PYGL: variants seen among roughly 807,000 people sequenced by gnomAD.
The protein encoded by PYGL is glycogen phosphorylase, liver form.
PYGL carries 90 observed loss-of-function variants against 100.1 expected under a neutral mutation model. That is an observed-to-expected ratio of 0.90 (90% CI 0.76 to 1.07). The LOEUF is 1.07. PYGL is among the 50% of genes least tolerant of loss of function. PYGL has a pLI of 0.00. For missense variants in PYGL, 1,016 were observed against 1,057.6 expected, an observed-to-expected ratio of 0.96 and a Z score of 0.55; for synonymous variants, 373 against 393.0, an observed-to-expected ratio of 0.95 and a Z score of 0.60.
chr14:50,915,205 T>G (rs1256830272), intron 11 of PYGL, 131 bp downstream of exon 11: 1 of 1,157,770 alleles, frequency 8.6e-7, no homozygotes, highest in Non-Finnish European at 1.2e-6. Context: ...AAGAGTTTTT[T>G]GTATAGAAGA....
chr14:50,935,042 C>A, intron 3 of PYGL, 65 bp downstream of exon 3: 1 of 1,430,804 alleles, frequency 7.0e-7, no homozygotes, highest in South Asian at 1.1e-5. Context: ...CAAGCATGGT[C>A]ATGCATGGCA....
At position 50,916,738 on chromosome 14, in the gene PYGL, G is replaced by T. The variant is rs1566503847; in HGVS notation, c.1000-4C>A. The T allele has an allele frequency of 1.2e-6, 2 of 1,612,370 alleles. No homozygotes were observed. Among genetic ancestry groups the T allele is most frequent in the Admixed American group, 3.3e-5 (2 of 60,000 alleles). On this transcript the variant is annotated splice_polypyrimidine_tract_variant and splice_region_variant and intron_variant, in intron 8 of 19. Transcript: ENST00000216392. ...TGTCATTCAGCTGGATGGCCACCTG[G>T]GTGGGGAAAGACATCAACATGAAGG...
chr14:50,938,297 A>G (rs1168529654), intron 1 of PYGL, among the ~76,000 whole-genome samples: 3 of 152,066 alleles, frequency 2.0e-5, no homozygotes, highest in Non-Finnish European at 4.4e-5. Flanking sequence ...TGCAACCTCT[A>G]CCTCCTGGGT....
intron 1 of PYGL, among the ~76,000 whole-genome samples, chr14:50,939,059 G>A (rs1232145973): frequency 1.3e-5 from 2 of 152,072 alleles, no homozygotes; most frequent in Non-Finnish European, 2.9e-5. Flanking sequence ...TGGATTGATT[G>A]AGACACAGTC....
intron 12 of PYGL, among the ~76,000 whole-genome samples, chr14:50,914,496 C>CAATAATAATAATAATAAT (rs58316457): frequency 8.8e-4 from 130 of 148,542 alleles, no homozygotes; most frequent in African/African-American, 2.8e-3. Flanking sequence ...AACTCTGTCT[C>CAATAATAATAATAATAAT]AATAATAATA....
Position 50,921,156 on chromosome 14 carries a change from C to T in PYGL, c.661-89G>A. On this transcript the variant is annotated intron_variant, in intron 5 of 19. Coordinates refer to ENST00000216392, the MANE Select transcript of PYGL (RefSeq NM_002863.5). ...GGGGCTGGGAGACTGCAATGGAATTCTATTCCTGGCTCCATTACCAACTTA... is the reference window on the plus strand; with the variant it reads ...GGGGCTGGGAGACTGCAATGGAATTTTATTCCTGGCTCCATTACCAACTTA... 5.9e-6 allele frequency: 6 copies of T among 1,016,592 alleles called. No homozygotes were observed. The South Asian group carries it at 7.9e-5, about 13-fold the overall frequency. The allele number at this position is 1,016,592 out of a possible 1,614,324, so 63.0% of individuals were successfully genotyped here.
intron 1 of PYGL, among the ~76,000 whole-genome samples, chr14:50,943,424 C>T (rs1479473134): frequency 6.6e-6 from 1 of 152,240 alleles, no homozygotes; most frequent in Admixed American, 6.5e-5. Flanking sequence ...GGTCCCTGAC[C>T]AGCCTTCCTC....
Position 50,911,837 on chromosome 14 carries a change from A to G in PYGL, c.1862T>C (p.Ile621Thr), listed in dbSNP as rs775043812. The change falls in exon 16 of 20, where the codon ATA becomes ACA. Residue 621 changes from isoleucine (I) to threonine (T), a missense_variant. Ile to Thr is a moderately conservative substitution (Grantham distance 89). Coordinates refer to ENST00000216392, the MANE Select transcript of PYGL (RefSeq NM_002863.5). ...ATCTGCCACTGAAGTGATCAGCTTT[A>G]TGATCATTTTGGCCATGTGATATCC... Reference protein sequence around the residue: ...APGYHMAKMIIKLITSVADVV... With the variant: ...APGYHMAKMITKLITSVADVV... 1.2e-6 allele frequency: 2 copies of G among 1,613,280 alleles called. No homozygotes were observed. Among genetic ancestry groups the G allele is most frequent in the Non-Finnish European group, 1.7e-6 (2 of 1,179,962 alleles).
At chr14:50,924,743 A>G (rs2139183564) in intron 4 of PYGL, among the ~76,000 whole-genome samples, 1 of 152,330 alleles carries the variant, frequency 6.6e-6, no homozygotes, top group Middle Eastern at 3.4e-3. Flanking sequence ...ATATTCCAAG[A>G]GGTAATGAAC....
intron 4 of PYGL, among the ~76,000 whole-genome samples, chr14:50,929,040 C>T (rs568793917): frequency 6.6e-5 from 10 of 151,958 alleles, no homozygotes; most frequent in East Asian, 1.9e-4. Flanking sequence ...TTTCTTTTAT[C>T]TTATTTTATT....
chr14:50,909,910 G>A lies in PYGL; in HGVS notation c.2162C>T (p.Ala721Val), dbSNP rs777881295. 1 of 1,614,190 alleles carries A rather than the reference G, an allele frequency of 6.2e-7. No individual in the cohort carries two copies. The highest frequency in any genetic ancestry group is 1.1e-5 in the South Asian group (1 of 91,084). Residue 721 changes from alanine (A) to valine (V), a missense_variant, in exon 17 of 20, where the codon GCT becomes GTT. Coordinates refer to ENST00000216392, the MANE Select transcript of PYGL (RefSeq NM_002863.5). ...IFGMRIDDVAALDKKGYEAKE... is the reference protein window; with the variant it reads ...IFGMRIDDVAVLDKKGYEAKE... ...ATTCTCTTACCCTTTCTTGTCCAAA[G>A]CAGCCACATCATCTATCCTCATGCC...
intron 3 of PYGL, among the ~76,000 whole-genome samples, chr14:50,934,505 A>G (rs2050634352): frequency 6.6e-6 from 1 of 152,222 alleles, no homozygotes; most frequent in Non-Finnish European, 1.5e-5. Context: ...AAGAAATCAC[A>G]TTGTATTAAA....
At chr14:50,912,499 T>G in intron 13 of PYGL, 196 bp from the exon 14 acceptor site, 1 of 656,050 alleles carries the variant, frequency 1.5e-6, no homozygotes, top group East Asian at 2.8e-5. Flanking sequence ...ACACCACTAC[T>G]GCCTGGCTAA....
intron 4 of PYGL, among the ~76,000 whole-genome samples, chr14:50,927,382 A>G (rs1316640227): frequency 6.6e-6 from 1 of 151,998 alleles, no homozygotes. Flanking sequence ...CCGCCACCAC[A>G]CACAACTAAT....
chr14:50,931,929 T>G (rs2050604533), intron 3 of PYGL, among the ~76,000 whole-genome samples, 153 bp from the exon 4 acceptor site: 1 of 152,352 alleles, frequency 6.6e-6, no homozygotes, highest in African/African-American at 2.4e-5. Context: ...CAATGGGTAT[T>G]GATTTTTAAA....
At chr14:50,908,694 A>G (rs1260434745) in intron 18 of PYGL, 127 bp downstream of exon 18, 6 of 1,341,240 alleles carry the variant, frequency 4.5e-6, no homozygotes, top group Middle Eastern at 2.6e-4. Context: ...GCTAATCTAC[A>G]TGAGTGGGTT....
chr14:50,916,216 A>C (rs74051850), intron 9 of PYGL, among the ~76,000 whole-genome samples: 2,952 of 152,336 alleles, frequency 0.019, 34 homozygotes, highest in African/African-American at 0.029. Flanking sequence ...TCTATCTACT[A>C]TCCTTATGTG....
chr14:50,916,788 T>G (rs2050455394), intron 8 of PYGL, 54 bp from the exon 9 acceptor site: 15 of 1,573,544 alleles, frequency 9.5e-6, no homozygotes, highest in African/African-American at 1.3e-5. Context: ...GGGTCTGGCT[T>G]CTTTGTCCTA....
At chr14:50,906,946 A>G (rs1271102010) in intron 19 of PYGL, among the ~76,000 whole-genome samples, 1 of 152,254 alleles carries the variant, frequency 6.6e-6, no homozygotes, top group Admixed American at 6.5e-5. Context: ...GGATGACAGT[A>G]GGAACTACCC....
Sources: allele counts gnomAD v4.1 joint callset (sites outside exome capture counted in the v4.1 genomes callset), GRCh38; gene constraint gnomAD v4.1.1; transcripts MANE v1.5; gene names NCBI Gene and HGNC (gene_info 2026-07-23, HGNC 2026-07-21).